Variants in CEP85L observed in about 807,000 individuals in gnomAD.
CEP85L encodes the protein centrosomal protein of 85 kDa-like.
A neutral mutation model predicts 100.3 loss-of-function variants in CEP85L; 60 were observed. The observed-to-expected ratio is 0.60, with a 90% CI of 0.49 to 0.74. The LOEUF (loss-of-function observed/expected upper bound fraction) is 0.74, where lower values mean the gene tolerates loss of function less well. Among genes scored for constraint, CEP85L ranks in the 30% least tolerant of loss-of-function variants. CEP85L has a pLI of 0.00. For missense variants in CEP85L, 973 were observed against 936.2 expected, an observed-to-expected ratio of 1.04 and a Z score of -0.51; for synonymous variants, 319 against 322.7, an observed-to-expected ratio of 0.99 and a Z score of 0.12.
chr6:118,580,369 C>T (rs1228870449), intron 2 of CEP85L, among the ~76,000 whole-genome samples: 2 of 152,220 alleles, frequency 1.3e-5, no homozygotes, highest in African/African-American at 4.8e-5. Flanking sequence ...ACAACATTCA[C>T]TGAAGTGGTG....
chr6:118,519,207 G>A (rs568755574), intron 4 of CEP85L, among the ~76,000 whole-genome samples: 3 of 152,190 alleles, frequency 2.0e-5, no homozygotes, highest in East Asian at 3.9e-4. Context: ...TGTAATCCCA[G>A]CACTTTGGGA....
chr6:118,620,218 C>G (rs138776039), intron 2 of CEP85L, among the ~76,000 whole-genome samples: 1 of 152,130 alleles, frequency 6.6e-6, no homozygotes. Context: ...ACCCAATCAG[C>G]GGCCAATATT....
intron 5 of CEP85L, among the ~76,000 whole-genome samples, chr6:118,493,152 T>C (rs1774687227): frequency 6.6e-6 from 1 of 152,110 alleles, no homozygotes; most frequent in Non-Finnish European, 1.5e-5. Context: ...GAGGTGGCTT[T>C]TGAGACAGAT....
chr6:118,473,272 A>C (rs1027351569), intron 10 of CEP85L, among the ~76,000 whole-genome samples: 1 of 152,204 alleles, frequency 6.6e-6, no homozygotes, highest in Non-Finnish European at 1.5e-5. Context: ...ACACAGTATC[A>C]TGTATTAGAA....
Position 118,569,266 on chromosome 6 carries a change from T to C in CEP85L, c.233-2950A>G, listed in dbSNP as rs2115016513. Among the ~76,000 whole-genome samples the C allele has an allele frequency of 1.4e-5, 2 of 139,850 alleles. 1 individual carries two copies. The highest frequency in any genetic ancestry group is 4.5e-4 in the South Asian group (2 of 4,416). The allele number at this position is 139,850 out of a possible 152,430, so 91.7% of individuals were successfully genotyped here. ...CTGTGGCAGGAGAATGGCTTGAACC[T>C]GTGAGGCGGAGGCTGCAGTAAGCAG... On this transcript the variant is annotated intron_variant, in intron 2 of 12. Transcript: ENST00000368491.
chr6:118,591,656 C>G (rs865961105), intron 2 of CEP85L, among the ~76,000 whole-genome samples: 1 of 152,128 alleles, frequency 6.6e-6, no homozygotes, highest in Non-Finnish European at 1.5e-5. Flanking sequence ...GGTATTTAAA[C>G]CCCAGAGAAT....
At position 118,480,401 on chromosome 6, in the gene CEP85L, T is replaced by C. The variant is rs371163561; in HGVS notation, c.1858A>G (p.Ser620Gly). Residue 620 changes from serine to glycine, a missense_variant, in exon 9 of 13, where the codon AGT (serine) becomes GGT (glycine). Physicochemically the swap from Ser to Gly is moderately conservative, Grantham distance 56. Transcript: ENST00000368491. Reference protein sequence around the residue: ...DNLRQQNETASKIIDSQQDEI... With the variant: ...DNLRQQNETAGKIIDSQQDEI... ...GATCTAAGGTATCTACTGACCTTAC[T>C]AGCAGTCTCATTTTGTTGTCTGAGA... 25 of 1,587,414 alleles carry C rather than the reference T, an allele frequency of 1.6e-5. 1 individual carries two copies. The African/African-American group carries it at 3.1e-4, about 20-fold the overall frequency.
intron 12 of CEP85L, among the ~76,000 whole-genome samples, chr6:118,468,402 T>C (rs1444090733): frequency 6.6e-6 from 1 of 152,186 alleles, no homozygotes; most frequent in Non-Finnish European, 1.5e-5. Context: ...ATTTCTTCTC[T>C]ATTATAAAGA....
Position 118,462,728 on chromosome 6 carries a change from T to C in CEP85L, c.*2677A>G, listed in dbSNP as rs1308760988. 1 of 152,032 alleles carries C rather than the reference T, an allele frequency of 6.6e-6. No individual in the cohort carries two copies. Among genetic ancestry groups the C allele is most frequent in the Non-Finnish European group, 1.5e-5 (1 of 67,898 alleles). The allele number at this position is 152,032 out of a possible 1,614,324, so 9.4% of individuals were successfully genotyped here. A position where few individuals can be genotyped will look rare whatever the true frequency, so the allele number is the denominator to read the frequency against. On this transcript the variant is annotated 3_prime_UTR_variant, in exon 13 of 13. Coordinates refer to ENST00000368491, the MANE Select transcript of CEP85L (RefSeq NM_001042475.3). The stretch of plus-strand genomic sequence containing the variant: ...ACTGGGTGAGATGCTCTAGTGTTGC[T>C]ATTTGCCCATCTTATTTGGTCTAAC...
At chr6:118,488,274 C>A (rs2356492) in intron 6 of CEP85L, among the ~76,000 whole-genome samples, 2 of 151,656 alleles carry the variant, frequency 1.3e-5, no homozygotes, top group African/African-American at 2.4e-5. Context: ...TCAACATACC[C>A]AACATAAAGA....
At position 118,632,483 on chromosome 6, in the gene CEP85L, T is replaced by C. The variant is rs772578623; in HGVS notation, c.202A>G (p.Ile68Val). ...ACGCTATCAGAACAGGAAGTTCCAA[T>C]GCCAGTGTCTCCACTGTCAGAAGCT... ...SIASDSGDTG[I>V]GTSCSDSVED... Residue 68 changes from isoleucine to valine, a missense_variant, in exon 2 of 13, where the codon ATT becomes GTT. Around this residue, in one of 3 missense-constraint regions of CEP85L, gnomAD observed 4 missense variants for 18.3 expected, o/e 0.22. Transcript: ENST00000368491. 1 of 1,608,610 alleles carries C rather than the reference T, an allele frequency of 6.2e-7. No homozygotes were observed. Among genetic ancestry groups the C allele is most frequent in the Non-Finnish European group, 8.5e-7 (1 of 1,177,754 alleles).
chr6:118,681,345 G>A (rs1433266547), intron 1 of CEP85L, among the ~76,000 whole-genome samples: 1 of 152,138 alleles, frequency 6.6e-6, no homozygotes, highest in African/African-American at 2.4e-5. Context: ...ATAAGGGAGA[G>A]AGGAGTTGAG....
intron 2 of CEP85L, among the ~76,000 whole-genome samples, chr6:118,582,058 T>C (rs1218389924): frequency 6.6e-6 from 1 of 152,166 alleles, no homozygotes; most frequent in African/African-American, 2.4e-5. Context: ...CAGGGAATCG[T>C]TCCCCAGAGC....
chr6:118,479,226 T>A lies in CEP85L; in HGVS notation c.1914+645A>T, dbSNP rs118154770. On this transcript the variant is annotated intron_variant, in intron 10 of 12. Coordinates refer to ENST00000368491, the MANE Select transcript of CEP85L (RefSeq NM_001042475.3). ...CAACCAAAAGACAAAGAAAGAAGAC[T>A]GTATATAATGGCAAATCATTTACCA... is the stretch of plus-strand genomic sequence containing the variant. Among the ~76,000 whole-genome samples, 61 of 152,270 alleles carry A rather than the reference T, an allele frequency of 4.0e-4. No homozygotes were observed. In the East Asian group the frequency reaches 0.011, roughly 28 times the overall value.
intron 6 of CEP85L, among the ~76,000 whole-genome samples, chr6:118,489,024 T>A (rs1008321850): frequency 6.6e-6 from 1 of 152,114 alleles, no homozygotes; most frequent in Admixed American, 6.6e-5. Flanking sequence ...TCCCAGCACT[T>A]TGGGGGGCCA....
chr6:118,578,068 A>T (rs1780346307), intron 2 of CEP85L, among the ~76,000 whole-genome samples: 1 of 152,244 alleles, frequency 6.6e-6, no homozygotes, highest in East Asian at 1.9e-4. Flanking sequence ...TATAAAATCA[A>T]GAGAGGGAAA....
At chr6:118,702,475 G>A (rs761515904) in intron 1 of CEP85L, among the ~76,000 whole-genome samples, 14 of 152,080 alleles carry the variant, frequency 9.2e-5, no homozygotes, top group Non-Finnish European at 7.4e-5. Context: ...TTGCACCACT[G>A]CACTCCAGCT....
intron 6 of CEP85L, among the ~76,000 whole-genome samples, chr6:118,487,875 G>A (rs1269581543): frequency 2.0e-5 from 3 of 152,198 alleles, no homozygotes; most frequent in African/African-American, 7.2e-5. Flanking sequence ...TCCCTGTGCA[G>A]AGAAAGCAAT....
chr6:118,651,791 C>G (rs1775589456), upstream of CEP85L: 3 of 986,010 alleles, frequency 3.0e-6, no homozygotes, highest in Non-Finnish European at 3.6e-6. Context: ...CGCCGCATCC[C>G]TCTGTCTCCA....
Sources: gnomAD v4.1 joint callset for allele counts (sites outside exome capture counted in the v4.1 genomes callset) on GRCh38, gnomAD v4.1.1 for gene constraint, gnomAD v4.1.1 regional missense constraint, MANE v1.5 for transcripts, NCBI Gene and HGNC (gene_info 2026-07-23, HGNC 2026-07-21) for gene names.